The following INSL6 variants were observed in gnomAD, a reference collection of about 807,000 sequenced individuals.
INSL6 encodes the protein insulin like 6.
A neutral mutation model predicts 9.4 loss-of-function variants in INSL6; 16 were observed. That is an observed-to-expected ratio of 1.70 (90% confidence interval 1.15 to 2.59). INSL6 has a LOEUF of 2.59. INSL6 is among the 30% of genes most tolerant of loss of function. The pLI, the probability that INSL6 is intolerant of heterozygous loss-of-function variation, is 0.00. For missense variants in INSL6, 391 were observed against 257.3 expected, an observed-to-expected ratio of 1.52 and a Z score of -3.56; for synonymous variants, 154 against 96.9, an observed-to-expected ratio of 1.59 and a Z score of -3.46.
the INSL6 span, chr9:5,029,662 G>A: frequency 2.5e-6 from 2 of 803,910 alleles, no homozygotes; most frequent in African/African-American, 3.5e-5. Flanking sequence ...GATTTCGACT[G>A]CTATTACATT....
At chr9:4,996,731 G>T in the INSL6 span, among the ~76,000 whole-genome samples, 1 of 151,746 alleles carries the variant, frequency 6.6e-6, no homozygotes, top group Non-Finnish European at 1.5e-5. Context: ...ACTTTTAAAG[G>T]TAAGTATTCT....
chr9:5,083,711 T>G, the INSL6 span, among the ~76,000 whole-genome samples: 1,983 of 152,256 alleles, frequency 0.013, 75 homozygotes, highest in East Asian at 0.11. Context: ...TAACAAAGAA[T>G]ACATCAAAAG....
intron 2 of INSL6, among the ~76,000 whole-genome samples, chr9:5,138,320 T>C (rs1824425226): frequency 1.3e-5 from 2 of 152,280 alleles, no homozygotes; most frequent in African/African-American, 2.4e-5. Flanking sequence ...TAGCAAAGAC[T>C]TGGAACCAAC....
intron 3 of INSL6, chr9:5,127,108 A>G (rs527841946): frequency 5.7e-4 from 154 of 268,424 alleles, no homozygotes; most frequent in African/African-American, 3.2e-3. Flanking sequence ...AGACCTGAAA[A>G]AATTATTATG....
At chr9:5,179,702 G>A (rs538360479) in intron 1 of INSL6, among the ~76,000 whole-genome samples, 1 of 152,316 alleles carries the variant, frequency 6.6e-6, no homozygotes, top group East Asian at 1.9e-4. Context: ...CAGGGACATG[G>A]ATGGAGTTGG....
chr9:5,140,776 C>CT, intron 2 of INSL6, among the ~76,000 whole-genome samples: 1 of 152,086 alleles, frequency 6.6e-6, no homozygotes, highest in East Asian at 1.9e-4. Context: ...CACAGGTAAA[C>CT]TTGTGCCATG....
the INSL6 span, among the ~76,000 whole-genome samples, chr9:5,010,198 G>A: frequency 2.0e-5 from 3 of 152,168 alleles, no homozygotes; most frequent in East Asian, 1.9e-4. Context: ...TGTCGGAGCC[G>A]CCATGAATTC....
At chr9:5,022,213 G>A in the INSL6 span, 2 of 1,609,542 alleles carry the variant, frequency 1.2e-6, no homozygotes, top group Non-Finnish European at 1.7e-6. Context: ...TAAAGCTTGT[G>A]GTAAGTATTA....
chr9:5,168,457 A>G (rs768349624), intron 1 of INSL6, among the ~76,000 whole-genome samples: 2 of 152,206 alleles, frequency 1.3e-5, no homozygotes, highest in Non-Finnish European at 2.9e-5. Context: ...GTAGCTGAAT[A>G]GACCAAGTGG....
chr9:5,156,908 A>T lies in INSL6; in HGVS notation c.376+7271T>A, dbSNP rs571818703. Among the ~76,000 whole-genome samples the T allele has an allele frequency of 7.2e-5, 11 of 152,268 alleles. 1 individual carries two copies. The South Asian group carries it at 1.9e-3, about 26-fold the overall frequency. On this transcript the variant is annotated intron_variant, in intron 2 of 3. Coordinates refer to the INSL6 transcript ENST00000649639. The stretch of plus-strand genomic sequence containing the variant: ...CCATTTACAATAGCATTAAAAAAAT[A>T]AAATACTTAAAGGCAGGAGAATTTC...
At chr9:5,057,553 C>T in the INSL6 span, among the ~76,000 whole-genome samples, 2 of 150,580 alleles carry the variant, frequency 1.3e-5, no homozygotes, top group African/African-American at 2.4e-5. Flanking sequence ...CCCCTCTTCC[C>T]AATCCTTGCA....
chr9:5,078,834 A>G, the INSL6 span, among the ~76,000 whole-genome samples: 1 of 152,160 alleles, frequency 6.6e-6, no homozygotes, highest in Non-Finnish European at 1.5e-5. Flanking sequence ...CTCTGTGAAG[A>G]AATTAGTTTA....
chr9:5,088,792 G>A, the INSL6 span, among the ~76,000 whole-genome samples: 1 of 152,170 alleles, frequency 6.6e-6, no homozygotes, highest in African/African-American at 2.4e-5. Flanking sequence ...TTGCTCTAAT[G>A]TCTCTTCCTC....
chr9:5,084,551 A>T, the INSL6 span, among the ~76,000 whole-genome samples: 171 of 152,230 alleles, frequency 1.1e-3, no homozygotes, highest in African/African-American at 3.6e-3. Context: ...TTTATTTTTT[A>T]AAAAATATTT....
At chr9:5,090,966 ATTG>A in the INSL6 span, 290,733 of 1,161,496 alleles carry the variant, frequency 0.25, 39,212 homozygotes, top group Admixed American at 0.29. Flanking sequence ...TTCAAACTTT[ATTG>A]TTGTTATTTA....
the INSL6 span, chr9:5,114,544 G>T: frequency 8.4e-6 from 4 of 474,546 alleles, no homozygotes; most frequent in South Asian, 1.7e-5. Context: ...CAGGACAAGC[G>T]CACCCTCACC....
At chr9:5,140,758 G>A (rs908764378) in intron 2 of INSL6, among the ~76,000 whole-genome samples, 2 of 151,924 alleles carry the variant, frequency 1.3e-5, no homozygotes, top group Non-Finnish European at 2.9e-5. Context: ...ACATATGCAG[G>A]TTTGTTACAC....
intron 2 of INSL6, among the ~76,000 whole-genome samples, chr9:5,135,227 A>G (rs577504999): frequency 1.2e-4 from 19 of 152,244 alleles, no homozygotes; most frequent in East Asian, 3.9e-4. Flanking sequence ...CTCCCACATA[A>G]TAACAGTGGG....
intron 3 of INSL6, chr9:5,128,097 T>TGTGC (rs1488440282): frequency 6.2e-4 from 143 of 231,800 alleles, no homozygotes; most frequent in African/African-American, 3.0e-3. Context: ...TGTGTGTGTG[T>TGTGC]GTGTGTGTGT....
Sources: allele counts gnomAD v4.1 joint callset (sites outside exome capture counted in the v4.1 genomes callset), GRCh38; gene constraint gnomAD v4.1.1; transcripts MANE v1.5; gene names NCBI Gene and HGNC (gene_info 2026-07-23, HGNC 2026-07-21).